KCNQ3: variants seen among roughly 807,000 people sequenced by gnomAD.
The protein encoded by KCNQ3 is potassium voltage-gated channel subfamily KQT member 3.
KCNQ3 carries 30 observed loss-of-function variants against 92.5 expected under a neutral mutation model. The ratio of observed to expected loss-of-function variants is 0.32; its 90% CI spans 0.24 to 0.44. KCNQ3 has a LOEUF of 0.44. KCNQ3 is among the 20% of genes least tolerant of loss of function. The probability of loss-of-function intolerance (pLI) is 1.00; values close to 1 mark genes in which losing one functional copy is unlikely to be tolerated. For missense variants in KCNQ3, 913 were observed against 1,140.3 expected (o/e 0.80, Z 2.87); for synonymous variants, 450 against 468.8 (o/e 0.96, Z 0.52).
intron 1 of KCNQ3, among the ~76,000 whole-genome samples, chr8:132,256,622 T>C (rs753405736): frequency 1.3e-5 from 2 of 152,120 alleles, no homozygotes; most frequent in Non-Finnish European, 2.9e-5. Context: ...ACTAATCATA[T>C]ATAAGTGGTC....
rs189155253 is a variant in KCNQ3, at chr8:132,472,017, T to A, written c.386+8130A>T. 4.7e-4 allele frequency among the ~76,000 whole-genome samples: 72 copies of A among 152,258 alleles called. 1 individual carries two copies. In the East Asian group the frequency reaches 0.013, roughly 27 times the overall value. On this transcript the variant is annotated intron_variant, in intron 1 of 14. Transcript: ENST00000388996. ...AAAAGATATATAAAAAGATGTTTGA[T>A]ATCACTAATTATCAGGAAAATGGAA...
intron 14 of KCNQ3, among the ~76,000 whole-genome samples, chr8:132,130,558 G>T (rs540223801): frequency 4.6e-5 from 7 of 152,332 alleles, no homozygotes; most frequent in Admixed American, 3.3e-4. Context: ...AAGGCGGAAA[G>T]CAGAGAGATG....
At chr8:132,370,919 G>A (rs1819456441) in intron 1 of KCNQ3, among the ~76,000 whole-genome samples, 1 of 152,262 alleles carries the variant, frequency 6.6e-6, no homozygotes, top group East Asian at 1.9e-4. Context: ...AGGAAACTGA[G>A]GCATAGAAAG....
chr8:132,299,858 G>A (rs930196029), intron 1 of KCNQ3, among the ~76,000 whole-genome samples: 4 of 152,264 alleles, frequency 2.6e-5, no homozygotes, highest in Admixed American at 6.5e-5. Flanking sequence ...ACAGACTTGC[G>A]CTCAATGCCA....
In KCNQ3 at chr8:132,140,186, G is replaced by A. The variant is rs1318899047; in HGVS notation, c.1466-8C>T. ...GGTCACCTGTCCCGGCATCTGGGAG[G>A]GAGACACACATATGAACGGCAGGCC... On this transcript the variant is annotated splice_polypyrimidine_tract_variant and splice_region_variant and intron_variant, in intron 10 of 14. Transcript: ENST00000388996. 1.2e-6 allele frequency: 2 copies of A among 1,604,388 alleles called. No homozygotes were observed. The highest frequency in any genetic ancestry group is 8.5e-7 in the Non-Finnish European group (1 of 1,171,878).
At chr8:132,318,056 G>T (rs1396162889) in intron 1 of KCNQ3, among the ~76,000 whole-genome samples, 3 of 152,184 alleles carry the variant, frequency 2.0e-5, no homozygotes, top group African/African-American at 7.2e-5. Flanking sequence ...CACTCAGCTG[G>T]TCAGTGTCCT....
Position 132,331,929 on chromosome 8 carries a change from T to G in KCNQ3, c.387-145748A>C, listed in dbSNP as rs140351499. ...GGCATGCCAGTCAGAAGTTCTGTGG[T>G]AGACAGTGGTTGGCAGTCTCTAAGA... On this transcript the variant is annotated intron_variant, in intron 1 of 14. Coordinates refer to ENST00000388996, the MANE Select transcript of KCNQ3 (RefSeq NM_004519.4). Among the ~76,000 whole-genome samples the G allele has an allele frequency of 8.5e-5, 13 of 152,250 alleles. 1 individual carries two copies. The Middle Eastern group carries it at 0.01, about 120-fold the overall frequency.
intron 8 of KCNQ3, among the ~76,000 whole-genome samples, chr8:132,169,188 C>T (rs541350291): frequency 1.3e-5 from 2 of 152,260 alleles, no homozygotes; most frequent in Admixed American, 6.5e-5. Flanking sequence ...GGACTCTGGG[C>T]CACTGGCTCA....
chr8:132,458,933 A>C (rs1822003281), intron 1 of KCNQ3, among the ~76,000 whole-genome samples: 1 of 152,178 alleles, frequency 6.6e-6, no homozygotes. Context: ...AGATTCCCTT[A>C]GTTTTTACTT....
At chr8:132,377,451 G>A (rs1586968874) in intron 1 of KCNQ3, among the ~76,000 whole-genome samples, 2 of 152,166 alleles carry the variant, frequency 1.3e-5, no homozygotes, top group Non-Finnish European at 1.5e-5. Context: ...CTACTACAGG[G>A]ACTGATGGTT....
intron 1 of KCNQ3, among the ~76,000 whole-genome samples, chr8:132,360,062 T>C (rs1353922540): frequency 2.6e-5 from 4 of 152,196 alleles, no homozygotes; most frequent in African/African-American, 9.6e-5. Context: ...AACTATCCAA[T>C]ATGGCCTCAG....
intron 1 of KCNQ3, among the ~76,000 whole-genome samples, chr8:132,462,491 A>G (rs1336506784): frequency 7.9e-5 from 12 of 152,234 alleles, no homozygotes; most frequent in Non-Finnish European, 1.5e-5. Flanking sequence ...CCCAGCTGTG[A>G]ATTGTACACT....
intron 1 of KCNQ3, among the ~76,000 whole-genome samples, chr8:132,463,702 T>C (rs1447523903): frequency 6.6e-6 from 1 of 152,244 alleles, no homozygotes; most frequent in African/African-American, 2.4e-5. Context: ...TCCTCCCTTT[T>C]ATCAAAACGG....
At chr8:132,219,171 G>C (rs1381474038) in intron 1 of KCNQ3, among the ~76,000 whole-genome samples, 1 of 152,062 alleles carries the variant, frequency 6.6e-6, no homozygotes, top group African/African-American at 2.4e-5. Context: ...CAGTTTTCTG[G>C]AACTCCAGTG....
intron 1 of KCNQ3, among the ~76,000 whole-genome samples, chr8:132,346,784 G>A (rs1818700746): frequency 6.6e-6 from 1 of 152,180 alleles, no homozygotes; most frequent in Non-Finnish European, 1.5e-5. Flanking sequence ...GGGAGAAGAG[G>A]AGGTCTCACC....
At chr8:132,163,007 C>T (rs1046114266) in intron 9 of KCNQ3, among the ~76,000 whole-genome samples, 9 of 152,278 alleles carry the variant, frequency 5.9e-5, no homozygotes, top group South Asian at 2.1e-4. Context: ...TCATGAATTA[C>T]AGTCTCGAGT....
intron 4 of KCNQ3, among the ~76,000 whole-genome samples, chr8:132,178,565 T>C (rs1826645814): frequency 6.6e-6 from 1 of 152,144 alleles, no homozygotes; most frequent in African/African-American, 2.4e-5. Flanking sequence ...AGGAGGCTCA[T>C]TAAAATAGAA....
chr8:132,347,774 G>A lies in KCNQ3; in HGVS notation c.386+132373C>T, dbSNP rs559388352. The stretch of plus-strand genomic sequence containing the variant: ...GGGCAGATCACGAGGTCAGGAAATC[G>A]AGACCATCCTGGCTAACACAGTGAA... On this transcript the variant is annotated intron_variant, in intron 1 of 14. Transcript: ENST00000388996. Among the ~76,000 whole-genome samples the A allele has an allele frequency of 2.2e-3, 335 of 152,046 alleles. 1 individual carries two copies. Among genetic ancestry groups the A allele is most frequent in the Non-Finnish European group, 3.3e-3 (224 of 68,014 alleles).
chr8:132,386,985 GATTTGATC>G (rs1289081916), intron 1 of KCNQ3, among the ~76,000 whole-genome samples: 4 of 152,140 alleles, frequency 2.6e-5, no homozygotes, highest in Admixed American at 2.6e-4. Flanking sequence ...TAGTTACTCT[GATTTGATC>G]ATTACAGAAT....
Sources: gnomAD v4.1 joint callset for allele counts (sites outside exome capture counted in the v4.1 genomes callset) on GRCh38, gnomAD v4.1.1 for gene constraint, MANE v1.5 for transcripts, NCBI Gene and HGNC (gene_info 2026-07-23, HGNC 2026-07-21) for gene names.